RANBP2: variants seen among roughly 807,000 people sequenced by gnomAD.
The protein encoded by RANBP2 is E3 SUMO-protein ligase RanBP2.
A neutral mutation model predicts 303.6 loss-of-function variants in RANBP2; 57 were observed. The observed-to-expected ratio is 0.19, with a 90% CI of 0.15 to 0.23. RANBP2 has a LOEUF of 0.23. RANBP2 is among the 10% of genes least tolerant of loss of function. The pLI is 1.00. For synonymous variants in RANBP2, 1,167 were observed against 1,301.5 expected (o/e 0.90, Z 2.23); for missense variants, 3,138 against 3,780.8 (o/e 0.83, Z 4.46).
the RANBP2 span, among the ~76,000 whole-genome samples, chr2:108,956,614 T>C: frequency 3.3e-5 from 5 of 152,340 alleles, no homozygotes; most frequent in East Asian, 3.9e-4. Context: ...ATTTCCCTCA[T>C]AGATGCTTGA....
the RANBP2 span, among the ~76,000 whole-genome samples, chr2:109,650,502 T>C: frequency 2.0e-5 from 3 of 152,192 alleles, no homozygotes; most frequent in African/African-American, 7.2e-5. Context: ...GGGGTCCCAC[T>C]TTCCCTCCTT....
At chr2:109,404,443 C>G in the RANBP2 span, among the ~76,000 whole-genome samples, 1 of 152,202 alleles carries the variant, frequency 6.6e-6, no homozygotes, top group South Asian at 2.1e-4. Flanking sequence ...GACTGGGAGT[C>G]TCAGCAGCCA....
the RANBP2 span, among the ~76,000 whole-genome samples, chr2:109,078,102 A>ATATATATGGCG: frequency 4.0e-3 from 356 of 90,116 alleles, 15 homozygotes; most frequent in African/African-American, 7.9e-3. Flanking sequence ...ATATATATAT[A>ATATATATGGCG]TATATATATA....
chr2:109,274,746 T>G, the RANBP2 span, among the ~76,000 whole-genome samples: 4 of 152,202 alleles, frequency 2.6e-5, no homozygotes, highest in Admixed American at 1.3e-4. Flanking sequence ...GTAAATGCCA[T>G]TAAATTGTTC....
chr2:108,839,221 C>A, the RANBP2 span: 1 of 1,611,328 alleles, frequency 6.2e-7, no homozygotes, highest in South Asian at 1.1e-5. Context: ...ACAGTGGATG[C>A]CATTTGTGAA....
the RANBP2 span, among the ~76,000 whole-genome samples, chr2:109,169,568 T>A: frequency 6.6e-6 from 1 of 152,124 alleles, no homozygotes; most frequent in Non-Finnish European, 1.5e-5. Context: ...GCTAAAGGCA[T>A]AAAGTTGCTT....
chr2:109,049,685 A>G, the RANBP2 span, among the ~76,000 whole-genome samples: 29 of 152,274 alleles, frequency 1.9e-4, no homozygotes, highest in African/African-American at 7.0e-4. Flanking sequence ...ATGTTGTTGG[A>G]CTTTCATTAT....
At chr2:108,841,464 G>T in the RANBP2 span, among the ~76,000 whole-genome samples, 3 of 151,916 alleles carry the variant, frequency 2.0e-5, no homozygotes, top group African/African-American at 7.3e-5. Flanking sequence ...ATTATGTCTT[G>T]GTGGATTTGC....
chr2:109,567,336 G>C, the RANBP2 span, among the ~76,000 whole-genome samples: 1 of 152,266 alleles, frequency 6.6e-6, no homozygotes, highest in East Asian at 1.9e-4. Context: ...GTAAAATTAA[G>C]AACTTAGTCA....
At chr2:109,174,568 G>C in the RANBP2 span, among the ~76,000 whole-genome samples, 1 of 152,304 alleles carries the variant, frequency 6.6e-6, no homozygotes, top group South Asian at 2.1e-4. Flanking sequence ...ATGGTGTCTG[G>C]AATTCCCTCC....
chr2:108,736,037 G>A (rs1408440000), intron 5 of RANBP2, 67 bp from the exon 6 acceptor site: 2 of 1,611,282 alleles, frequency 1.2e-6, no homozygotes, highest in East Asian at 2.2e-5. Flanking sequence ...GAATTTGTAG[G>A]CTTAAAATGA....
chr2:109,645,402 C>A, the RANBP2 span, among the ~76,000 whole-genome samples: 1 of 152,208 alleles, frequency 6.6e-6, no homozygotes, highest in South Asian at 2.1e-4. Context: ...TGAAATTCAC[C>A]CTTTCAGCCT....
At chr2:109,648,336 A>C in the RANBP2 span, among the ~76,000 whole-genome samples, 1 of 152,204 alleles carries the variant, frequency 6.6e-6, no homozygotes, top group African/African-American at 2.4e-5. Flanking sequence ...GATTTTAAGC[A>C]GCAGAAAGAC....
the RANBP2 span, among the ~76,000 whole-genome samples, chr2:109,014,263 G>C: frequency 6.6e-6 from 1 of 152,198 alleles, no homozygotes; most frequent in East Asian, 1.9e-4. Context: ...AAGGATCCTG[G>C]ATAGGGATGA....
At chr2:109,474,986 T>G in the RANBP2 span, among the ~76,000 whole-genome samples, 1 of 151,842 alleles carries the variant, frequency 6.6e-6, no homozygotes, top group African/African-American at 2.4e-5. Context: ...TGTTTGTTTG[T>G]TTGTTTTTTT....
At chr2:109,092,978 C>T in the RANBP2 span, among the ~76,000 whole-genome samples, 2 of 152,100 alleles carry the variant, frequency 1.3e-5, no homozygotes, top group African/African-American at 2.4e-5. Flanking sequence ...GCTATGGATC[C>T]CTGAAACCAA....
At chr2:109,169,739 G>A in the RANBP2 span, among the ~76,000 whole-genome samples, 1 of 140,910 alleles carries the variant, frequency 7.1e-6, no homozygotes, top group Non-Finnish European at 1.5e-5. Flanking sequence ...AAATACATAT[G>A]TATAAAACAA....
chr2:108,937,338 T>C, the RANBP2 span, among the ~76,000 whole-genome samples: 4 of 152,348 alleles, frequency 2.6e-5, 1 homozygote, highest in East Asian at 1.9e-4. Flanking sequence ...CCTAAGTGTC[T>C]CAAGGGTGTT....
the RANBP2 span, among the ~76,000 whole-genome samples, chr2:108,847,419 G>A: frequency 0.072 from 10,966 of 152,208 alleles, 508 homozygotes; most frequent in South Asian, 0.15. Flanking sequence ...CTATAATACT[G>A]TCATCTGGCC....
Sources: gnomAD v4.1 joint callset for allele counts (sites outside exome capture counted in the v4.1 genomes callset) on GRCh38, gnomAD v4.1.1 for gene constraint, MANE v1.5 for transcripts, NCBI Gene and HGNC (gene_info 2026-07-23, HGNC 2026-07-21) for gene names.